NVL: variants seen among roughly 807,000 people sequenced by gnomAD.
The protein encoded by NVL is nuclear valosin-containing protein-like.
NVL carries 84 observed loss-of-function variants against 110.2 expected under a neutral mutation model. The ratio of observed to expected loss-of-function variants is 0.76; its 90% confidence interval spans 0.64 to 0.91. The LOEUF (loss-of-function observed/expected upper bound fraction) is 0.91, where lower values mean the gene tolerates loss of function less well. NVL is among the 40% of genes least tolerant of loss of function. The pLI, the probability that NVL is intolerant of heterozygous loss-of-function variation, is 0.00. For missense variants in NVL, 882 were observed against 1,035.9 expected, an observed-to-expected ratio of 0.85 and a Z score of 2.04; for synonymous variants, 354 against 361.1, an observed-to-expected ratio of 0.98 and a Z score of 0.22.
At chr1:224,276,639 C>T (rs917882790) in intron 16 of NVL, among the ~76,000 whole-genome samples, 10 of 152,138 alleles carry the variant, frequency 6.6e-5, no homozygotes, top group African/African-American at 2.4e-4. Context: ...GATTAAAGTG[C>T]TATTTTTTCA....
At chr1:224,239,038 A>G (rs1318055960) in intron 19 of NVL, among the ~76,000 whole-genome samples, 2 of 152,136 alleles carry the variant, frequency 1.3e-5, no homozygotes, top group African/African-American at 4.8e-5. Flanking sequence ...TCATAGTTCT[A>G]TGAATTAGAC....
At chr1:224,326,923 T>C (rs1273826597) in intron 1 of NVL, among the ~76,000 whole-genome samples, 1 of 152,170 alleles carries the variant, frequency 6.6e-6, no homozygotes, top group East Asian at 1.9e-4. Context: ...CCCAACACTT[T>C]GGGAGCCCAG....
intron 15 of NVL, among the ~76,000 whole-genome samples, chr1:224,281,872 G>A (rs1393251618): frequency 8.0e-5 from 12 of 149,780 alleles, no homozygotes; most frequent in Non-Finnish European, 1.3e-4. Flanking sequence ...AGAATTGCTC[G>A]CACCCGGGAG....
At chr1:224,290,801 C>CA (rs773190032) in intron 12 of NVL, among the ~76,000 whole-genome samples, 8,257 of 78,480 alleles carry the variant, frequency 0.11, 400 homozygotes, top group East Asian at 0.17. Context: ...GACTCTGTCT[C>CA]AAAAAAAAAA....
intron 15 of NVL, 29 bp from the exon 16 acceptor site, chr1:224,281,214 T>C (rs773841272): frequency 3.9e-6 from 6 of 1,552,348 alleles, no homozygotes; most frequent in Non-Finnish European, 2.7e-6. Flanking sequence ...AAGACACAAA[T>C]AAGACCAATA....
intron 19 of NVL, among the ~76,000 whole-genome samples, chr1:224,240,170 C>T (rs561381361): frequency 5.4e-5 from 8 of 147,632 alleles, no homozygotes; most frequent in Non-Finnish European, 8.9e-5. Flanking sequence ...CAGGTTCAAG[C>T]GATTCTCCTG....
chr1:224,272,435 T>C (rs1176851710), intron 17 of NVL, among the ~76,000 whole-genome samples: 1 of 152,040 alleles, frequency 6.6e-6, no homozygotes, highest in Non-Finnish European at 1.5e-5. Flanking sequence ...AAGCAAACTA[T>C]AGCTGGGCGT....
At chr1:224,313,939 G>A (rs1669806851) in intron 4 of NVL, among the ~76,000 whole-genome samples, 1 of 152,134 alleles carries the variant, frequency 6.6e-6, no homozygotes, top group South Asian at 2.1e-4. Flanking sequence ...GGAGGCAGAG[G>A]ATGCAGTGAG....
intron 18 of NVL, among the ~76,000 whole-genome samples, chr1:224,264,330 G>T (rs1037858473): frequency 5.3e-5 from 8 of 150,922 alleles, no homozygotes; most frequent in Non-Finnish European, 1.2e-4. Context: ...TGCAACCTCC[G>T]CCTCCTGGGT....
chr1:224,308,236 G>T lies in NVL; in HGVS notation c.370C>A (p.Leu124Met), dbSNP rs1157532796. The change falls in exon 6 of 23, where the codon CTG becomes ATG. Residue 124 changes from leucine to methionine, a missense_variant. Coordinates refer to ENST00000281701, the MANE Select transcript of NVL (RefSeq NM_002533.4). ...GGATTTCCTTTCCGATATAAAGACAGCAGGGAACTGTTCATGTGATTTGCT... is the reference window on the plus strand; with the variant it reads ...GGATTTCCTTTCCGATATAAAGACATCAGGGAACTGTTCATGTGATTTGCT... ...QSANHMNSSLLSLYRKGNPDS... is the reference protein window; with the variant it reads ...QSANHMNSSLMSLYRKGNPDS... 14 of 1,609,130 alleles carry T rather than the reference G, an allele frequency of 8.7e-6. No individual in the cohort carries two copies. Among genetic ancestry groups the T allele is most frequent in the African/African-American group, 1.3e-5 (1 of 74,772 alleles).
intron 12 of NVL, among the ~76,000 whole-genome samples, chr1:224,292,322 G>T (rs967702791): frequency 6.6e-6 from 1 of 152,084 alleles, no homozygotes; most frequent in Admixed American, 6.6e-5. Flanking sequence ...ATTGTGCTAG[G>T]TTATGTTAAT....
At chr1:224,300,222 G>GT (rs938209639) in intron 10 of NVL, among the ~76,000 whole-genome samples, 6 of 152,052 alleles carry the variant, frequency 3.9e-5, no homozygotes, top group African/African-American at 4.8e-5. Context: ...TTGCTTACAA[G>GT]TTTTTTTTGG....
intron 16 of NVL, among the ~76,000 whole-genome samples, chr1:224,278,437 GC>G (rs1172626790): frequency 2.0e-5 from 3 of 151,772 alleles, no homozygotes; most frequent in African/African-American, 7.3e-5. Context: ...CACCACATTG[GC>G]CACACTGGTC....
rs770885193 is a variant in NVL, at chr1:224,319,153, CAAAAAAA to C, written c.132-1230_132-1224del. 1.7e-4 allele frequency among the ~76,000 whole-genome samples: 8 copies of C among 47,116 alleles called. No individual in the cohort carries two copies. The East Asian group carries it at 5.0e-3, about 29-fold the overall frequency. 30.9% of individuals were successfully genotyped at this position (47,116 alleles called of 152,430 possible). A position where few individuals can be genotyped will look rare whatever the true frequency, so the allele number is the denominator to read the frequency against. ...CTGGGGACAGAGCAAGACTCCGTCT[CAAAAAAA>C]AAAAAAAAAAAAAAAAGGATATCTG... On this transcript the variant is annotated intron_variant, in intron 2 of 22. Transcript: ENST00000281701.
chr1:224,294,609 G>A (rs1667701636), intron 11 of NVL, among the ~76,000 whole-genome samples, 198 bp from the exon 12 acceptor site: 1 of 152,128 alleles, frequency 6.6e-6, no homozygotes. Context: ...GTCCTCAGCA[G>A]TTCACAATCT....
At chr1:224,328,997 GT>G (rs1671418948) in intron 1 of NVL, among the ~76,000 whole-genome samples, 1 of 152,202 alleles carries the variant, frequency 6.6e-6, no homozygotes, top group African/African-American at 2.4e-5. Flanking sequence ...GAGCCCAGGA[GT>G]TAGAGACCAG....
In NVL at chr1:224,284,370, TA is replaced by T. The variant is rs537270369; in HGVS notation, c.1899+1655del. Among the ~76,000 whole-genome samples, 226 of 151,388 alleles carry T rather than the reference TA, an allele frequency of 1.5e-3. 2 individuals are homozygous for T. The highest frequency in any genetic ancestry group is 0.013 in the East Asian group (66 of 5,174). ...AATATAGCCAATAAACATACTTAAA[TA>T]AAAAAAACTAGTTTTTTTTTTTGAG... On this transcript the variant is annotated intron_variant, in intron 15 of 22. Transcript: ENST00000281701.
At position 224,327,492 on chromosome 1, in the gene NVL, A is replaced by G. The variant is rs1429413981; in HGVS notation, c.58-1028T>C. Among the ~76,000 whole-genome samples, 3 of 152,234 alleles carry G rather than the reference A, an allele frequency of 2.0e-5. No individual in the cohort carries two copies. In the East Asian group the frequency reaches 5.8e-4, roughly 29 times the overall value. On this transcript the variant is annotated intron_variant, in intron 1 of 22. Transcript: ENST00000281701. Reference sequence around the variant, plus strand: ...TAAATATATAGCTAAGTGAAAATTTATTTAAAATATTGTGTAAGACTATCT... The same window carrying G: ...TAAATATATAGCTAAGTGAAAATTTGTTTAAAATATTGTGTAAGACTATCT...
intron 21 of NVL, chr1:224,232,327 T>A (rs941518843): frequency 6.6e-6 from 1 of 151,830 alleles, no homozygotes; most frequent in Non-Finnish European, 1.5e-5. Context: ...CACTCCAGCC[T>A]GAGTGAGAGC....
Sources: allele counts gnomAD v4.1 joint callset (sites outside exome capture counted in the v4.1 genomes callset), GRCh38; gene constraint gnomAD v4.1.1; transcripts MANE v1.5; gene names NCBI Gene and HGNC (gene_info 2026-07-23, HGNC 2026-07-21).